The following RARB variants were observed in gnomAD, a reference collection of about 807,000 sequenced individuals.
RARB encodes the protein HBV-activated protein.
RARB carries 17 observed loss-of-function variants against 51.9 expected under a neutral mutation model. The observed-to-expected ratio is 0.33, with a 90% CI of 0.22 to 0.49. The LOEUF (loss-of-function observed/expected upper bound fraction) is 0.49. RARB is among the 20% of genes least tolerant of loss of function. RARB has a pLI of 0.99. For synonymous variants in RARB, 215 were observed against 195.4 expected (o/e 1.10, Z -0.84); for missense variants, 369 against 550.8 (o/e 0.67, Z 3.30).
chr3:25,416,623 G>A (rs1054196660), intron 5 of RARB, among the ~76,000 whole-genome samples: 6 of 152,152 alleles, frequency 3.9e-5, no homozygotes, highest in African/African-American at 7.2e-5. Flanking sequence ...CTACGATCAC[G>A]CAGCTCTGTT....
intron 4 of RARB, among the ~76,000 whole-genome samples, chr3:25,133,054 C>T (rs1027663021): frequency 6.6e-5 from 10 of 151,828 alleles, no homozygotes; most frequent in African/African-American, 1.7e-4. Flanking sequence ...AACAATGGCA[C>T]GATGCTTTCT....
chr3:25,118,974 C>T (rs1486588408), intron 3 of RARB, among the ~76,000 whole-genome samples: 1 of 152,102 alleles, frequency 6.6e-6, no homozygotes, highest in Non-Finnish European at 1.5e-5. Flanking sequence ...GAATATACAG[C>T]TTTGACCAAT....
At chr3:25,335,312 A>G (rs1336374458) in intron 5 of RARB, among the ~76,000 whole-genome samples, 2 of 152,218 alleles carry the variant, frequency 1.3e-5, no homozygotes, top group African/African-American at 2.4e-5. Flanking sequence ...ACAATGCTAG[A>G]AGGCCATCCT....
At chr3:25,540,081 C>G (rs1365678199) in intron 3 of RARB, among the ~76,000 whole-genome samples, 1 of 152,108 alleles carries the variant, frequency 6.6e-6, no homozygotes, top group East Asian at 1.9e-4. Context: ...TACCGAGTGA[C>G]AACTGTAAAA....
At chr3:25,566,702 G>T (rs1207112743) in intron 3 of RARB, among the ~76,000 whole-genome samples, 1 of 152,206 alleles carries the variant, frequency 6.6e-6, no homozygotes, top group Admixed American at 6.5e-5. Flanking sequence ...TTGCTCGTCT[G>T]AGTTTTCCAG....
intron 1 of RARB, among the ~76,000 whole-genome samples, chr3:24,840,741 G>GAAAAAAAAAA (rs1702410488): frequency 1.3e-5 from 1 of 75,794 alleles, no homozygotes. Context: ...ATGAGTAAGA[G>GAAAAAAAAAA]TAAAAAAAAA....
intron 5 of RARB, among the ~76,000 whole-genome samples, chr3:25,232,682 C>A (rs1702206674): frequency 6.6e-6 from 1 of 152,100 alleles, no homozygotes; most frequent in East Asian, 1.9e-4. Context: ...TATAGATGGT[C>A]CCCAACTTAT....
intron 2 of RARB, among the ~76,000 whole-genome samples, chr3:25,463,718 T>C (rs1268013514): frequency 1.3e-5 from 2 of 151,904 alleles, no homozygotes; most frequent in African/African-American, 4.8e-5. Flanking sequence ...CTCAAAGTAA[T>C]TTTGTGAGTT....
intron 2 of RARB, among the ~76,000 whole-genome samples, chr3:24,868,064 A>G (rs181463045): frequency 3.2e-4 from 48 of 152,282 alleles, no homozygotes; most frequent in Admixed American, 1.6e-3. Flanking sequence ...ACGGGGCTTG[A>G]TATCCGAGTT....
intron 5 of RARB, among the ~76,000 whole-genome samples, chr3:25,315,082 A>C (rs1196153500): frequency 6.6e-6 from 1 of 152,174 alleles, no homozygotes; most frequent in Non-Finnish European, 1.5e-5. Context: ...TGTAGGTACC[A>C]CATTTTCTTT....
intron 5 of RARB, among the ~76,000 whole-genome samples, chr3:25,207,099 T>G (rs541386210): frequency 9.5e-4 from 145 of 152,334 alleles, no homozygotes; most frequent in Non-Finnish European, 1.8e-3. Context: ...AAATTATCAG[T>G]CTGGTCACAT....
At chr3:25,049,159 G>T (rs1698277247) in intron 2 of RARB, among the ~76,000 whole-genome samples, 1 of 152,208 alleles carries the variant, frequency 6.6e-6, no homozygotes, top group African/African-American at 2.4e-5. Flanking sequence ...GATTAGGCTA[G>T]GTCGAAGTAT....
At chr3:25,337,290 A>T (rs891427942) in intron 5 of RARB, among the ~76,000 whole-genome samples, 1 of 152,234 alleles carries the variant, frequency 6.6e-6, no homozygotes, top group Non-Finnish European at 1.5e-5. Flanking sequence ...ACAATAATTT[A>T]AAAAGTATTG....
chr3:25,235,423 A>C (rs2125392835), intron 5 of RARB, among the ~76,000 whole-genome samples: 1 of 152,290 alleles, frequency 6.6e-6, no homozygotes, highest in Non-Finnish European at 1.5e-5. Context: ...ATTTGAAGTG[A>C]GAATACCAAA....
At chr3:25,156,097 C>T (rs921305272) in intron 4 of RARB, among the ~76,000 whole-genome samples, 4 of 152,158 alleles carry the variant, frequency 2.6e-5, no homozygotes, top group Non-Finnish European at 5.9e-5. Flanking sequence ...TGTAGCCAAA[C>T]CAGCCACATC....
At chr3:25,581,823 G>A (rs1701190043) in intron 5 of RARB, among the ~76,000 whole-genome samples, 1 of 152,104 alleles carries the variant, frequency 6.6e-6, no homozygotes, top group South Asian at 2.1e-4. Context: ...GACCTAAGAT[G>A]AGAGCCCTCA....
At chr3:25,239,080 C>T (rs577252267) in intron 5 of RARB, among the ~76,000 whole-genome samples, 4 of 152,238 alleles carry the variant, frequency 2.6e-5, no homozygotes, top group African/African-American at 9.6e-5. Context: ...TTTTTTCATA[C>T]ATCAGTTGAC....
chr3:25,103,315 A>C (rs1305778765), intron 3 of RARB, among the ~76,000 whole-genome samples: 1 of 152,142 alleles, frequency 6.6e-6, no homozygotes, highest in African/African-American at 2.4e-5. Context: ...GGTGATATGC[A>C]CCGTTGTAAG....
At chr3:25,500,938 AC>A (rs1697280084) in intron 2 of RARB, among the ~76,000 whole-genome samples, 1 of 152,208 alleles carries the variant, frequency 6.6e-6, no homozygotes, top group South Asian at 2.1e-4. Flanking sequence ...CTTGGAATTA[AC>A]TTTCCTTTAG....
Sources: allele counts gnomAD v4.1 joint callset (sites outside exome capture counted in the v4.1 genomes callset), GRCh38; gene constraint gnomAD v4.1.1; transcripts MANE v1.5; gene names NCBI Gene and HGNC (gene_info 2026-07-23, HGNC 2026-07-21).